Variants in KCND3 observed in about 807,000 individuals in gnomAD.
KCND3 encodes the protein potassium voltage-gated channel subfamily D member 3.
KCND3 carries 9 observed loss-of-function variants against 51.1 expected under a neutral mutation model. The ratio of observed to expected loss-of-function variants is 0.18; its 90% CI spans 0.11 to 0.31. The LOEUF is 0.31. KCND3 is among the 10% of genes least tolerant of loss of function. The pLI is 1.00. For missense variants in KCND3, 526 were observed against 903.8 expected, an observed-to-expected ratio of 0.58 and a Z score of 5.36; for synonymous variants, 349 against 368.0, an observed-to-expected ratio of 0.95 and a Z score of 0.59.
chr1:111,816,982 T>C (rs1174524138), intron 2 of KCND3, among the ~76,000 whole-genome samples: 1 of 152,154 alleles, frequency 6.6e-6, no homozygotes, highest in African/African-American at 2.4e-5. Flanking sequence ...TGCACATACA[T>C]GCACACATCA....
chr1:111,835,317 G>A (rs1000224537), intron 2 of KCND3, among the ~76,000 whole-genome samples: 28 of 152,202 alleles, frequency 1.8e-4, no homozygotes, highest in African/African-American at 6.0e-4. Flanking sequence ...CAGAAAATCA[G>A]TATTTGTGTC....
intron 2 of KCND3, among the ~76,000 whole-genome samples, chr1:111,801,506 C>T (rs921944452): frequency 1.3e-5 from 2 of 152,132 alleles, no homozygotes; most frequent in Admixed American, 6.5e-5. Context: ...CCAGCTGGGA[C>T]GTGGTTGAGG....
intron 2 of KCND3, among the ~76,000 whole-genome samples, chr1:111,940,833 C>G (rs1220136464): frequency 6.6e-6 from 1 of 152,142 alleles, no homozygotes; most frequent in East Asian, 1.9e-4. Context: ...ATTTTTTAAT[C>G]TCTCCCCCTC....
chr1:111,914,061 A>C (rs993162588), intron 2 of KCND3, among the ~76,000 whole-genome samples: 15 of 152,314 alleles, frequency 9.8e-5, no homozygotes, highest in African/African-American at 3.4e-4. Flanking sequence ...AATATACTAT[A>C]TGCTCATGAA....
chr1:111,873,484 G>A (rs568462501), intron 2 of KCND3, among the ~76,000 whole-genome samples: 3 of 152,312 alleles, frequency 2.0e-5, no homozygotes, highest in African/African-American at 4.8e-5. Flanking sequence ...CCTACTTGGG[G>A]TGAGAAGGAT....
At chr1:111,911,685 A>T (rs1670954178) in intron 2 of KCND3, among the ~76,000 whole-genome samples, 1 of 152,216 alleles carries the variant, frequency 6.6e-6, no homozygotes, top group South Asian at 2.1e-4. Flanking sequence ...GTTTCCTCTA[A>T]AATAAGGATA....
At chr1:111,915,138 A>C (rs1041030040) in intron 2 of KCND3, among the ~76,000 whole-genome samples, 2 of 152,238 alleles carry the variant, frequency 1.3e-5, no homozygotes, top group African/African-American at 4.8e-5. Context: ...ATAAGCCAGC[A>C]GCGGAGATAA....
At chr1:111,920,363 C>G (rs1408058606) in intron 2 of KCND3, among the ~76,000 whole-genome samples, 7 of 152,248 alleles carry the variant, frequency 4.6e-5, no homozygotes, top group African/African-American at 1.7e-4. Flanking sequence ...ACACTCCCCA[C>G]ACTGAAGAAA....
intron 2 of KCND3, among the ~76,000 whole-genome samples, chr1:111,830,801 G>C (rs1009437910): frequency 6.6e-6 from 1 of 152,140 alleles, no homozygotes; most frequent in African/African-American, 2.4e-5. Context: ...TGTGTAATGG[G>C]ATATGTTATT....
At chr1:111,818,091 A>G (rs1390743771) in intron 2 of KCND3, among the ~76,000 whole-genome samples, 1 of 151,384 alleles carries the variant, frequency 6.6e-6, no homozygotes, top group Non-Finnish European at 1.5e-5. Context: ...ATTATGAGGC[A>G]GCTGTCTTGC....
intron 2 of KCND3, among the ~76,000 whole-genome samples, chr1:111,886,249 T>C (rs1669567312): frequency 6.6e-6 from 1 of 152,154 alleles, no homozygotes; most frequent in African/African-American, 2.4e-5. Context: ...GCCTGGACTG[T>C]TTATGGTATC....
chr1:111,931,828 C>T (rs1291336254), intron 2 of KCND3, among the ~76,000 whole-genome samples: 1 of 152,216 alleles, frequency 6.6e-6, no homozygotes, highest in Non-Finnish European at 1.5e-5. Flanking sequence ...CTAGGACATC[C>T]CTTAAGATTA....
At chr1:111,923,876 G>T (rs1671584650) in intron 2 of KCND3, among the ~76,000 whole-genome samples, 2 of 152,168 alleles carry the variant, frequency 1.3e-5, no homozygotes, top group African/African-American at 4.8e-5. Flanking sequence ...CAGTGGGGTG[G>T]GCAGAAATGC....
Position 111,859,184 on chromosome 1 carries a change from G to A in KCND3, c.1107-72078C>T, listed in dbSNP as rs535616175. Among the ~76,000 whole-genome samples the A allele has an allele frequency of 3.9e-5, 6 of 152,350 alleles. No homozygotes were observed. In the South Asian group the frequency reaches 6.2e-4, roughly 16 times the overall value. On this transcript the variant is annotated intron_variant, in intron 2 of 7. Coordinates refer to ENST00000302127, the MANE Select transcript of KCND3 (RefSeq NM_001378969.1). ...CTAGCATGACCTACAAGGCCCTGAT[G>A]AGCTGATGCTATGTGTCAGGCTCCT...
At chr1:111,943,059 G>T (rs939636056) in intron 2 of KCND3, among the ~76,000 whole-genome samples, 26 of 152,282 alleles carry the variant, frequency 1.7e-4, no homozygotes, top group Middle Eastern at 3.4e-3. Flanking sequence ...TGAGCTGCGA[G>T]CAGGAAAGGG....
chr1:111,930,685 G>T (rs573921451), intron 2 of KCND3, among the ~76,000 whole-genome samples: 1 of 151,578 alleles, frequency 6.6e-6, no homozygotes, highest in East Asian at 1.9e-4. Context: ...AGGCATCTTG[G>T]CTTAACCCTG....
chr1:111,835,114 G>T (rs1182536037), intron 2 of KCND3, among the ~76,000 whole-genome samples: 1 of 152,174 alleles, frequency 6.6e-6, no homozygotes, highest in Non-Finnish European at 1.5e-5. Flanking sequence ...TTGAGGCAGC[G>T]CTGGGGGCCA....
intron 2 of KCND3, among the ~76,000 whole-genome samples, chr1:111,904,066 T>C (rs540198904): frequency 1.3e-5 from 2 of 150,548 alleles, no homozygotes; most frequent in South Asian, 4.2e-4. Context: ...GCTGAATCCC[T>C]TTCATGTCTT....
chr1:111,918,330 A>G (rs1348134927), intron 2 of KCND3, among the ~76,000 whole-genome samples: 2 of 152,226 alleles, frequency 1.3e-5, no homozygotes, highest in South Asian at 2.1e-4. Context: ...AGCTCGGAAG[A>G]GACCTGGAAA....
Sources: allele counts gnomAD v4.1 joint callset (sites outside exome capture counted in the v4.1 genomes callset), GRCh38; gene constraint gnomAD v4.1.1; transcripts MANE v1.5; gene names NCBI Gene and HGNC (gene_info 2026-07-23, HGNC 2026-07-21).